The following ASB5 variants were observed in gnomAD, a reference collection of about 807,000 sequenced individuals.
The protein encoded by ASB5 is ankyrin repeat and SOCS box containing 5, also known as ankyrin repeat and SOCS box protein 5.
A neutral mutation model predicts 42.1 loss-of-function variants in ASB5; 45 were observed. The observed-to-expected ratio is 1.07, with a 90% CI of 0.84 to 1.37. The LOEUF (loss-of-function observed/expected upper bound fraction) is 1.37, where lower values mean the gene tolerates loss of function less well. ASB5 is among the 40% of genes most tolerant of loss of function. The probability of loss-of-function intolerance (pLI) is 0.00; values close to 1 mark genes in which losing one functional copy is unlikely to be tolerated. For synonymous variants in ASB5, 147 were observed against 150.6 expected, an observed-to-expected ratio of 0.98 and a Z score of 0.18; for missense variants, 402 against 399.8, an observed-to-expected ratio of 1.01 and a Z score of -0.05.
chr4:176,224,924 C>G (rs912054299), intron 2 of ASB5, among the ~76,000 whole-genome samples: 4 of 152,138 alleles, frequency 2.6e-5, no homozygotes, highest in African/African-American at 9.7e-5. Flanking sequence ...TATTATTGAA[C>G]TAAGTCTGTA....
At position 176,236,279 on chromosome 4, in the gene ASB5, T is replaced by C. The variant is rs529966673; in HGVS notation, c.197-10938A>G. On this transcript the variant is annotated intron_variant, in intron 1 of 6. Coordinates refer to ENST00000296525, the MANE Select transcript of ASB5 (RefSeq NM_080874.4). ...TCATTTAAGAAATGACAGGATTGTCTTTATTTCTTTAATAATTGCATTCCT... is the reference window on the plus strand; with the variant it reads ...TCATTTAAGAAATGACAGGATTGTCCTTATTTCTTTAATAATTGCATTCCT... Among the ~76,000 whole-genome samples the C allele has an allele frequency of 7.2e-5, 11 of 152,322 alleles. No individual in the cohort carries two copies. The South Asian group carries it at 2.3e-3, about 32-fold the overall frequency.
chr4:176,242,250 C>T lies in ASB5; in HGVS notation c.197-16909G>A, dbSNP rs576631559. ...CACAACACGGAGCCACCACAGATGACAAGGTTACTTATGCTTGACTTCATG... is the reference window on the plus strand; with the variant it reads ...CACAACACGGAGCCACCACAGATGATAAGGTTACTTATGCTTGACTTCATG... On this transcript the variant is annotated intron_variant, in intron 1 of 6. Coordinates refer to ENST00000296525, the MANE Select transcript of ASB5 (RefSeq NM_080874.4). Among the ~76,000 whole-genome samples, 8 of 152,298 alleles carry T rather than the reference C, an allele frequency of 5.3e-5. 1 individual carries two copies. In the South Asian group the frequency reaches 1.7e-3, roughly 32 times the overall value.
intron 1 of ASB5, among the ~76,000 whole-genome samples, chr4:176,233,628 A>G (rs1161485893): frequency 6.6e-6 from 1 of 152,114 alleles, no homozygotes; most frequent in African/African-American, 2.4e-5. Context: ...GAAAGGAGTC[A>G]GTTGTTTTTG....
intron 1 of ASB5, among the ~76,000 whole-genome samples, chr4:176,240,841 T>C (rs1037827771): frequency 6.6e-6 from 1 of 152,178 alleles, no homozygotes; most frequent in Non-Finnish European, 1.5e-5. Context: ...TTCCTGAGTT[T>C]GGGGACTTAA....
At chr4:176,256,168 T>C (rs1199228407) in intron 1 of ASB5, among the ~76,000 whole-genome samples, 2 of 152,178 alleles carry the variant, frequency 1.3e-5, no homozygotes, top group South Asian at 2.1e-4. Flanking sequence ...CTTTGAGTAG[T>C]AAAAACTCAT....
chr4:176,219,691 C>T (rs1230813895), intron 5 of ASB5, among the ~76,000 whole-genome samples: 3 of 146,092 alleles, frequency 2.1e-5, no homozygotes, highest in African/African-American at 7.6e-5. Flanking sequence ...CTCAGCCTCT[C>T]GAGCAGCTGG....
chr4:176,234,763 C>G (rs972119692), intron 1 of ASB5, among the ~76,000 whole-genome samples: 3 of 152,162 alleles, frequency 2.0e-5, no homozygotes, highest in Admixed American at 2.0e-4. Context: ...CCGAATTGGA[C>G]TCCTGACTCT....
intron 1 of ASB5, among the ~76,000 whole-genome samples, chr4:176,234,495 C>T (rs544520942): frequency 1.3e-5 from 2 of 152,332 alleles, no homozygotes; most frequent in South Asian, 4.1e-4. Flanking sequence ...CCTTCCCCAA[C>T]ATTCATGCTT....
chr4:176,229,077 C>A (rs755683877), intron 1 of ASB5, among the ~76,000 whole-genome samples: 2 of 152,170 alleles, frequency 1.3e-5, no homozygotes, highest in Non-Finnish European at 2.9e-5. Context: ...TTTTAGTAAT[C>A]AATGCCTAAA....
intron 1 of ASB5, among the ~76,000 whole-genome samples, chr4:176,262,240 C>T (rs1025447853): frequency 6.6e-6 from 1 of 152,146 alleles, no homozygotes; most frequent in Non-Finnish European, 1.5e-5. Context: ...TATCAAAGTA[C>T]ACAAAATCCA....
chr4:176,221,463 C>T lies in ASB5; in HGVS notation c.522G>A (p.Glu174=), dbSNP rs140659869. The change falls in exon 4 of 7, where the codon GAG becomes GAA. Residue 174 remains glutamate, a synonymous_variant. Coordinates refer to ENST00000296525, the MANE Select transcript of ASB5 (RefSeq NM_080874.4). The part of the protein sequence containing the change: ...LESCLPSPTH[E]AASKGHHECL... ...GAACTAAGTTACCTTTACTGGCGGCCTCATGCGTTGGGGATGGAAGACATG... is the reference window on the plus strand; with the variant it reads ...GAACTAAGTTACCTTTACTGGCGGCTTCATGCGTTGGGGATGGAAGACATG... 2 of 1,613,386 alleles carry T rather than the reference C, an allele frequency of 1.2e-6. No individual in the cohort carries two copies. Among genetic ancestry groups the T allele is most frequent in the African/African-American group, 2.7e-5 (2 of 74,880 alleles).
At chr4:176,234,821 C>G (rs1276447121) in intron 1 of ASB5, among the ~76,000 whole-genome samples, 1 of 152,154 alleles carries the variant, frequency 6.6e-6, no homozygotes, top group Non-Finnish European at 1.5e-5. Context: ...GTTTCAGTTT[C>G]CTCACTATAA....
At chr4:176,217,720 C>T (rs1315076852) in intron 5 of ASB5, among the ~76,000 whole-genome samples, 1 of 152,070 alleles carries the variant, frequency 6.6e-6, no homozygotes, top group Non-Finnish European at 1.5e-5. Context: ...CTGGCACATG[C>T]TGGTCATTCA....
chr4:176,271,570 C>T (rs1052244560), upstream of ASB5, among the ~76,000 whole-genome samples: 2 of 152,048 alleles, frequency 1.3e-5, no homozygotes, highest in East Asian at 1.9e-4. Flanking sequence ...TTGTTAGCTT[C>T]GATCAATCAG....
intron 2 of ASB5, among the ~76,000 whole-genome samples, chr4:176,223,687 A>G (rs1753287377): frequency 6.6e-6 from 1 of 152,238 alleles, no homozygotes; most frequent in Non-Finnish European, 1.5e-5. Context: ...TTGGCTAGCC[A>G]GCAGTCAGAC....
At position 176,221,600 on chromosome 4, in the gene ASB5, C is replaced by G. The variant is rs564000284; in HGVS notation, c.385G>C (p.Val129Leu). 3.1e-6 allele frequency: 5 copies of G among 1,604,072 alleles called. No homozygotes were observed. Among genetic ancestry groups the G allele is most frequent in the Non-Finnish European group, 4.3e-6 (5 of 1,174,808 alleles). ...ACGCCATCTATCGTGATTGCATTTA[C>G]CTAAACCAAACCAAAATATCCAAAC... Reference protein sequence around the residue: ...ARTLLEAGANVNAITIDGVTP... With the variant: ...ARTLLEAGANLNAITIDGVTP... Residue 129 changes from valine to leucine, a missense_variant and splice_region_variant, in exon 4 of 7, where the codon GTA (valine) becomes CTA (leucine). Coordinates refer to ENST00000296525, the MANE Select transcript of ASB5 (RefSeq NM_080874.4).
At chr4:176,219,619 G>T (rs1448602171) in intron 5 of ASB5, among the ~76,000 whole-genome samples, 15 of 56,942 alleles carry the variant, frequency 2.6e-4, no homozygotes, top group Non-Finnish European at 3.3e-4. Context: ...TATATATATA[G>T]GCTGGAGTAC....
At chr4:176,243,937 T>A (rs1753859882) in intron 1 of ASB5, among the ~76,000 whole-genome samples, 1 of 152,228 alleles carries the variant, frequency 6.6e-6, no homozygotes, top group Non-Finnish European at 1.5e-5. Context: ...AGACAGGACA[T>A]TTCTAAAAAT....
At chr4:176,244,095 T>C (rs1753862914) in intron 1 of ASB5, among the ~76,000 whole-genome samples, 1 of 152,224 alleles carries the variant, frequency 6.6e-6, no homozygotes, top group Non-Finnish European at 1.5e-5. Context: ...TCACCATTTC[T>C]ATGTTTCTTT....
Sources: gnomAD v4.1 joint callset for allele counts (sites outside exome capture counted in the v4.1 genomes callset) on GRCh38, gnomAD v4.1.1 for gene constraint, MANE v1.5 for transcripts, NCBI Gene and HGNC (gene_info 2026-07-23, HGNC 2026-07-21) for gene names.